The following ANAPC4 variants were observed in gnomAD, a reference collection of about 807,000 sequenced individuals.
ANAPC4 encodes the protein anaphase promoting complex subunit 4, also known as anaphase-promoting complex subunit 4.
A neutral mutation model predicts 119.8 loss-of-function variants in ANAPC4; 63 were observed. The observed-to-expected ratio is 0.53, with a 90% CI of 0.43 to 0.65. The LOEUF (loss-of-function observed/expected upper bound fraction) is 0.65. ANAPC4 is among the 30% of genes least tolerant of loss of function. The pLI is 0.00. For synonymous variants in ANAPC4, 283 were observed against 318.6 expected (o/e 0.89, Z 1.19); for missense variants, 716 against 945.1 (o/e 0.76, Z 3.18).
At chr4:25,390,525 A>T (rs1245762686) in intron 8 of ANAPC4, among the ~76,000 whole-genome samples, 1 of 152,160 alleles carries the variant, frequency 6.6e-6, no homozygotes. Flanking sequence ...TCAATTTGTG[A>T]TTGGAATGTA....
chr4:25,386,274 A>G (rs1363802319), intron 4 of ANAPC4, among the ~76,000 whole-genome samples: 1 of 152,228 alleles, frequency 6.6e-6, no homozygotes, highest in East Asian at 1.9e-4. Flanking sequence ...GTGCAGTGGT[A>G]CAATTTCAGC....
At position 25,380,405 on chromosome 4, in the gene ANAPC4, G is replaced by T; in HGVS notation, c.161G>T (p.Arg54Leu). 6.2e-7 allele frequency: 1 copy of T among 1,612,494 alleles called. No individual in the cohort carries two copies. The highest frequency in any genetic ancestry group is 8.5e-7 in the Non-Finnish European group (1 of 1,179,122). Residue 54 changes from arginine to leucine, a missense_variant, in exon 3 of 29, where the codon CGA becomes CTA. Around this residue, in one of 3 missense-constraint regions of ANAPC4, gnomAD observed 202 missense variants for 293.5 expected, o/e 0.69. Transcript: ENST00000315368. ...VLLHRLASFH[R>L]VWSFPPNENT... Reference sequence around the variant, plus strand: ...CTTCATCGACTGGCAAGTTTTCATCGAGTTTGGAGTTTTCCACCAAATGAA... The same window carrying T: ...CTTCATCGACTGGCAAGTTTTCATCTAGTTTGGAGTTTTCCACCAAATGAA...
chr4:25,406,117 C>G (rs1479768318), intron 18 of ANAPC4, among the ~76,000 whole-genome samples: 1 of 152,172 alleles, frequency 6.6e-6, no homozygotes, highest in Non-Finnish European at 1.5e-5. Flanking sequence ...CACTCTTCTT[C>G]ACCCCTGCTG....
At chr4:25,407,498 A>C (rs1723318355) in intron 20 of ANAPC4, among the ~76,000 whole-genome samples, 1 of 152,122 alleles carries the variant, frequency 6.6e-6, no homozygotes, top group African/African-American at 2.4e-5. Context: ...GCTACTTGGG[A>C]GGCTGAGGCA....
At chr4:25,381,779 C>G (rs965444284) in intron 3 of ANAPC4, among the ~76,000 whole-genome samples, 1 of 152,156 alleles carries the variant, frequency 6.6e-6, no homozygotes, top group Non-Finnish European at 1.5e-5. Context: ...GAAACCCCAT[C>G]TCTACTAAAA....
At chr4:25,416,389 T>C (rs368121812) in intron 26 of ANAPC4, 36 bp from the exon 27 acceptor site, 7 of 1,371,306 alleles carry the variant, frequency 5.1e-6, no homozygotes, top group Non-Finnish European at 6.8e-6. Context: ...GTAGTCACGA[T>C]CATCTTTGAT....
At chr4:25,406,230 C>T (rs971505818) in intron 18 of ANAPC4, among the ~76,000 whole-genome samples, 1 of 152,168 alleles carries the variant, frequency 6.6e-6, no homozygotes, top group South Asian at 2.1e-4. Flanking sequence ...TTCTACAACT[C>T]GTTTGCTAAG....
intron 14 of ANAPC4, chr4:25,395,285 C>T (rs17605302): frequency 0.43 from 68,329 of 157,176 alleles, 16,487 homozygotes; most frequent in Non-Finnish European, 0.53. Flanking sequence ...GGTGATTTTA[C>T]ACAAGAGGAT....
At chr4:25,385,369 T>A (rs1482338289) in intron 4 of ANAPC4, among the ~76,000 whole-genome samples, 2 of 152,236 alleles carry the variant, frequency 1.3e-5, no homozygotes, top group Non-Finnish European at 2.9e-5. Context: ...GCTGTTCTTC[T>A]CCATTGAAAA....
chr4:25,414,727 A>G (rs1355409034), intron 25 of ANAPC4, 27 bp downstream of exon 25: 1 of 1,460,628 alleles, frequency 6.8e-7, no homozygotes, highest in Non-Finnish European at 9.1e-7. Flanking sequence ...AGTTTGAATC[A>G]AAGAGATAAG....
intron 14 of ANAPC4, 67 bp from the exon 15 acceptor site, chr4:25,396,597 A>G: frequency 8.8e-7 from 1 of 1,135,788 alleles, no homozygotes; most frequent in Middle Eastern, 2.0e-4. Context: ...AAATTTAGAA[A>G]TATTCAGGCA....
intron 14 of ANAPC4, chr4:25,395,144 T>C (rs1722576305): frequency 2.6e-6 from 1 of 389,266 alleles, no homozygotes; most frequent in African/African-American, 2.1e-5. Context: ...CTGGGTTTTT[T>C]TCTTAATCAG....
In ANAPC4 at chr4:25,397,291, GT is replaced by G. The variant is rs776659187; in HGVS notation, c.1214+398del. On this transcript the variant is annotated intron_variant, in intron 16 of 28. Transcript: ENST00000315368. ...GCTTGCTTGTTTTCTTGCATTGTCT[GT>G]TTTTTCTGCATCCTTCCGTCCTTTC... Among the ~76,000 whole-genome samples the G allele has an allele frequency of 2.4e-4, 36 of 152,256 alleles. No homozygotes were observed. In the South Asian group the frequency reaches 3.9e-3, roughly 17 times the overall value.
chr4:25,385,553 A>G (rs1226387601), intron 4 of ANAPC4, among the ~76,000 whole-genome samples: 2 of 152,116 alleles, frequency 1.3e-5, no homozygotes, highest in Non-Finnish European at 2.9e-5. Context: ...GATCACTAAA[A>G]CTTTCTCCAT....
chr4:25,401,477 C>CTCTGTGTTATAT (rs1722970739), intron 16 of ANAPC4, among the ~76,000 whole-genome samples: 1 of 152,202 alleles, frequency 6.6e-6, no homozygotes, highest in East Asian at 1.9e-4. Context: ...GTATTGACCA[C>CTCTGTGTTATAT]TCTGTGTTAT....
At chr4:25,393,996 A>G in intron 11 of ANAPC4, 105 bp downstream of exon 11, 2 of 970,486 alleles carry the variant, frequency 2.1e-6, no homozygotes, top group Non-Finnish European at 3.0e-6. Flanking sequence ...AAAGGCTAAG[A>G]TCATAATTTC....
At chr4:25,404,934 T>C (rs1326380953) in intron 17 of ANAPC4, among the ~76,000 whole-genome samples, 4 of 152,070 alleles carry the variant, frequency 2.6e-5, no homozygotes, top group East Asian at 1.9e-4. Flanking sequence ...AAAACAGTTA[T>C]GTATTTGCAA....
chr4:25,393,626 C>T (rs1722476238), intron 10 of ANAPC4, among the ~76,000 whole-genome samples, 179 bp from the exon 11 acceptor site: 1 of 152,182 alleles, frequency 6.6e-6, no homozygotes, highest in African/African-American at 2.4e-5. Flanking sequence ...GGCGTCACTG[C>T]ACTCCAGCCT....
chr4:25,407,802 T>G (rs983154526), intron 20 of ANAPC4, among the ~76,000 whole-genome samples: 3 of 151,434 alleles, frequency 2.0e-5, no homozygotes, highest in Non-Finnish European at 3.0e-5. Context: ...GGCTGAGGCA[T>G]GAGAATTGCT....
Sources: gnomAD v4.1 joint callset for allele counts (sites outside exome capture counted in the v4.1 genomes callset) on GRCh38, gnomAD v4.1.1 for gene constraint, gnomAD v4.1.1 regional missense constraint, MANE v1.5 for transcripts, NCBI Gene and HGNC (gene_info 2026-07-23, HGNC 2026-07-21) for gene names.